The following RSL24D1 variants were observed in gnomAD, a reference collection of about 807,000 sequenced individuals.
RSL24D1 encodes ribosomal L24 domain containing 1, also known as probable ribosome biogenesis protein RLP24.
RSL24D1 carries 6 observed loss-of-function variants against 26.2 expected under a neutral mutation model. That is an observed-to-expected ratio of 0.23 (90% CI 0.13 to 0.45). The LOEUF is 0.45. Ranked by LOEUF, RSL24D1 falls within the 20% of genes least tolerant of loss-of-function variation. The pLI, the probability that RSL24D1 is intolerant of heterozygous loss-of-function variation, is 0.99. For missense variants in RSL24D1, 176 were observed against 202.6 expected (o/e 0.87, Z 0.80); for synonymous variants, 61 against 59.1 (o/e 1.03, Z -0.15).
chr15:55,188,476 C>G (rs879786290), intron 3 of RSL24D1, among the ~76,000 whole-genome samples: 46 of 152,292 alleles, frequency 3.0e-4, no homozygotes, highest in African/African-American at 9.6e-4. Context: ...GAATGAGACT[C>G]TGTAATAAAA....
chr15:55,185,582 G>A (rs1566886054), intron 3 of RSL24D1, among the ~76,000 whole-genome samples, 157 bp from the exon 4 acceptor site: 1 of 152,096 alleles, frequency 6.6e-6, no homozygotes, highest in African/African-American at 2.4e-5. Context: ...GCTGAAGAAG[G>A]TGTATACTCC....
At chr15:55,186,340 A>T (rs1393550414) in intron 3 of RSL24D1, among the ~76,000 whole-genome samples, 1 of 152,160 alleles carries the variant, frequency 6.6e-6, no homozygotes, top group Non-Finnish European at 1.5e-5. Context: ...CTTATTAATT[A>T]AAAAGAGTAA....
chr15:55,183,190 T>C, intron 5 of RSL24D1, 125 bp downstream of exon 5: 2 of 647,068 alleles, frequency 3.1e-6, no homozygotes, highest in Non-Finnish European at 5.1e-6. Context: ...AAATTACATT[T>C]TTATAGGCCA....
rs1417403490 is a variant in RSL24D1 at position 55,182,029 on chromosome 15, G to C, written c.*123C>G. Reference sequence around the variant, plus strand: ...TGATATTATGTAGATGGCAATGCAGGAAAGATGTCTTTTAATCGCTTTTCA... The same window carrying C: ...TGATATTATGTAGATGGCAATGCAGCAAAGATGTCTTTTAATCGCTTTTCA... On this transcript the variant is annotated 3_prime_UTR_variant, in exon 6 of 6. Transcript: ENST00000260443. 12 of 625,374 alleles carry C rather than the reference G, an allele frequency of 1.9e-5. No homozygotes were observed. The highest frequency in any genetic ancestry group is 3.1e-5 in the Non-Finnish European group (11 of 349,432). 38.7% of individuals were successfully genotyped at this position (625,374 alleles called of 1,614,324 possible). A position where few individuals can be genotyped will look rare whatever the true frequency, so the allele number is the denominator to read the frequency against.
chr15:55,196,610 G>C (rs1894361181), intron 1 of RSL24D1, 200 bp downstream of exon 1: 1 of 605,130 alleles, frequency 1.7e-6, no homozygotes, highest in African/African-American at 1.9e-5. Context: ...GTGGTGGCCA[G>C]CGCCGCTCGG....
chr15:55,185,490 TAACA>T, intron 3 of RSL24D1, 65 bp from the exon 4 acceptor site: 1 of 1,040,700 alleles, frequency 9.6e-7, no homozygotes, highest in Non-Finnish European at 1.5e-6. Flanking sequence ...ACAACTGCAT[TAACA>T]AACACTTCTT....
At chr15:55,194,860 C>T (rs902181875) in intron 1 of RSL24D1, among the ~76,000 whole-genome samples, 1 of 150,058 alleles carries the variant, frequency 6.7e-6, no homozygotes, top group Non-Finnish European at 1.5e-5. Flanking sequence ...CCCGTCTCTA[C>T]AAAAAATTTT....
In RSL24D1 at chr15:55,196,921, A is replaced by G; in HGVS notation, c.-31T>C. The G allele has an allele frequency of 6.2e-7, 1 of 1,605,768 alleles. No homozygotes were observed. Among genetic ancestry groups the G allele is most frequent in the Non-Finnish European group, 8.5e-7 (1 of 1,172,838 alleles). ...ACCCGCGTGTAACCCCACCAAACAA[A>G]CGCCAAGCTTGAGAGGAAGTGATGC... On this transcript the variant is annotated 5_prime_UTR_variant, in exon 1 of 6. Coordinates refer to ENST00000260443, the MANE Select transcript of RSL24D1 (RefSeq NM_016304.3).
rs1894312564 is a variant in RSL24D1 at position 55,192,758 on chromosome 15, T to TG, written c.156dup (p.Lys53GlnfsTer9). ...TTACCAGCTGCTTTCCGGAATGCTTTGGTCCACCTAACTTTGCGAGGATTG... is the reference window on the plus strand; with the variant it reads ...TTACCAGCTGCTTTCCGGAATGCTTTGGGTCCACCTAACTTTGCGAGGATTG... On this transcript the variant is annotated frameshift_variant, in exon 2 of 6. Coordinates refer to ENST00000260443, the MANE Select transcript of RSL24D1 (RefSeq NM_016304.3). LOFTEE classifies it high-confidence loss of function. The TG allele has an allele frequency of 6.2e-7, 1 of 1,613,846 alleles. No individual in the cohort carries two copies. Among genetic ancestry groups the TG allele is most frequent in the South Asian group, 1.1e-5 (1 of 91,084 alleles).
chr15:55,191,686 C>T (rs1037910204), intron 2 of RSL24D1, among the ~76,000 whole-genome samples: 9 of 152,128 alleles, frequency 5.9e-5, no homozygotes, highest in African/African-American at 1.9e-4. Context: ...AATCTTAAAA[C>T]ACACAAAACA....
At chr15:55,194,582 A>G (rs1327537592) in intron 1 of RSL24D1, among the ~76,000 whole-genome samples, 1 of 152,174 alleles carries the variant, frequency 6.6e-6, no homozygotes, top group Non-Finnish European at 1.5e-5. Context: ...AACCTTTCTT[A>G]TTCCACTAAT....
At position 55,196,846 on chromosome 15, in the gene RSL24D1, A is replaced by T. The variant is rs1894365277; in HGVS notation, c.45T>A (p.Pro15=). The T allele has an allele frequency of 6.2e-7, 1 of 1,614,186 alleles. No homozygotes were observed. Among genetic ancestry groups the T allele is most frequent in the Non-Finnish European group, 8.5e-7 (1 of 1,180,030 alleles). Residue 15 remains proline (P), a synonymous_variant, in exon 1 of 6, where the codon CCT becomes CCA. Transcript: ENST00000260443. ...KCYFCSGPIY[P]GHGMMFVRND... is the part of the protein sequence containing the mutation. ...TGCGGACGAACATCATGCCGTGTCC[A>T]GGATAGATGGGCCCCGAACAGAAAT...
intron 5 of RSL24D1, 109 bp downstream of exon 5, chr15:55,183,206 T>C: frequency 1.4e-6 from 1 of 723,148 alleles, no homozygotes; most frequent in East Asian, 2.8e-5. Context: ...GGCCAAATCA[T>C]ATCATAAATT....
chr15:55,192,466 G>C (rs1395952003), intron 2 of RSL24D1: 1 of 330,884 alleles, frequency 3.0e-6, no homozygotes, highest in Non-Finnish European at 5.5e-6. Context: ...TCTTTCAGTA[G>C]CAATTCCCAA....
intron 1 of RSL24D1, among the ~76,000 whole-genome samples, chr15:55,195,094 A>G (rs1894340841): frequency 6.6e-6 from 1 of 151,702 alleles, no homozygotes; most frequent in Non-Finnish European, 1.5e-5. Flanking sequence ...CTGAACTAGG[A>G]CAGGAAAGTA....
At chr15:55,190,719 ATC>A (rs1407352030) in intron 3 of RSL24D1, among the ~76,000 whole-genome samples, 3 of 152,248 alleles carry the variant, frequency 2.0e-5, no homozygotes, top group Middle Eastern at 3.4e-3. Context: ...ATGTTTTTAC[ATC>A]TCTGTGTGGG....
chr15:55,184,755 C>G lies in RSL24D1; in HGVS notation c.332+607G>C, dbSNP rs186921328. On this transcript the variant is annotated intron_variant, in intron 4 of 5. Transcript: ENST00000260443. ...GTTAACATCACCAGCAAGGTGACATCATGTGCTTCCCGATATGATGCATGA... is the reference window on the plus strand; with the variant it reads ...GTTAACATCACCAGCAAGGTGACATGATGTGCTTCCCGATATGATGCATGA... Among the ~76,000 whole-genome samples the G allele has an allele frequency of 1.8e-3, 281 of 152,276 alleles. 1 individual carries two copies. The highest frequency in any genetic ancestry group is 6.4e-3 in the African/African-American group (266 of 41,528).
chr15:55,195,370 T>C (rs1395312739), intron 1 of RSL24D1: 2 of 152,280 alleles, frequency 1.3e-5, no homozygotes, highest in African/African-American at 4.8e-5. Flanking sequence ...AAATCAAGCA[T>C]AAAAAAAGAT....
At position 55,185,268 on chromosome 15, in the gene RSL24D1, T is replaced by C. The variant is rs1227792352; in HGVS notation, c.332+94A>G. 8.4e-6 allele frequency: 7 copies of C among 836,868 alleles called. No individual in the cohort carries two copies. The East Asian group carries it at 2.0e-4, about 24-fold the overall frequency. 51.8% of individuals were successfully genotyped at this position (836,868 alleles called of 1,614,324 possible). ...GAAGTTTTTGGTAAGTCTGAAGTTATGTCAAAATAAAAAATTTTTTTAAAA... is the reference window on the plus strand; with the variant it reads ...GAAGTTTTTGGTAAGTCTGAAGTTACGTCAAAATAAAAAATTTTTTTAAAA... On this transcript the variant is annotated intron_variant, in intron 4 of 5. Transcript: ENST00000260443.
Sources: gnomAD v4.1 joint callset for allele counts (sites outside exome capture counted in the v4.1 genomes callset) on GRCh38, gnomAD v4.1.1 for gene constraint, MANE v1.5 for transcripts, NCBI Gene and HGNC (gene_info 2026-07-23, HGNC 2026-07-21) for gene names.